CHCHD6: variants seen among roughly 807,000 people sequenced by gnomAD.
The protein encoded by CHCHD6 is coiled-coil-helix-coiled-coil-helix domain containing 6.
Under a neutral mutation model 32.3 loss-of-function variants are expected in CHCHD6, and 28 were observed. The observed-to-expected ratio is 0.87, with a 90% confidence interval of 0.64 to 1.19. The LOEUF (loss-of-function observed/expected upper bound fraction) is 1.19, where lower values mean the gene tolerates loss of function less well. Among genes scored for constraint, CHCHD6 ranks in the 50% most tolerant of loss-of-function variants. The pLI, the probability that CHCHD6 is intolerant of heterozygous loss-of-function variation, is 0.00. For synonymous variants in CHCHD6, 122 were observed against 117.5 expected (o/e 1.04, Z -0.25); for missense variants, 333 against 307.0 (o/e 1.08, Z -0.63).
intron 4 of CHCHD6, among the ~76,000 whole-genome samples, chr3:126,784,247 A>G (rs762767406): frequency 3.9e-5 from 6 of 152,130 alleles, no homozygotes; most frequent in African/African-American, 1.4e-4. Context: ...TTGAACAACA[A>G]AAGTTTTCTC....
chr3:126,855,194 C>G (rs907359473), intron 5 of CHCHD6, among the ~76,000 whole-genome samples: 12 of 152,156 alleles, frequency 7.9e-5, no homozygotes, highest in Non-Finnish European at 1.8e-4. Flanking sequence ...AGACAGGGGC[C>G]TTGTGAGGGT....
At chr3:126,952,800 C>T (rs1359287778) in intron 6 of CHCHD6, among the ~76,000 whole-genome samples, 1 of 152,138 alleles carries the variant, frequency 6.6e-6, no homozygotes, top group Non-Finnish European at 1.5e-5. Flanking sequence ...CCCGCTCAGG[C>T]ACAGGGGTTG....
At chr3:126,959,402 C>A (rs2078830012) in intron 7 of CHCHD6, among the ~76,000 whole-genome samples, 1 of 152,262 alleles carries the variant, frequency 6.6e-6, no homozygotes, top group Non-Finnish European at 1.5e-5. Context: ...AGCACCCAGG[C>A]ACTTGGGTGG....
chr3:126,730,225 C>G (rs1292901783), intron 2 of CHCHD6, among the ~76,000 whole-genome samples: 1 of 152,146 alleles, frequency 6.6e-6, no homozygotes, highest in East Asian at 1.9e-4. Flanking sequence ...CTTCCCGCAG[C>G]CACTCCTGGC....
chr3:126,952,981 G>A (rs1259283267), intron 6 of CHCHD6: 11 of 985,314 alleles, frequency 1.1e-5, no homozygotes, highest in Non-Finnish European at 1.3e-5. Context: ...CTGGATGTGG[G>A]GTCTTCTGTG....
chr3:126,786,500 AC>A (rs1938220412), intron 4 of CHCHD6, among the ~76,000 whole-genome samples: 1 of 152,074 alleles, frequency 6.6e-6, no homozygotes, highest in African/African-American at 2.4e-5. Flanking sequence ...TTGTTTCCTG[AC>A]TTTTTAATGA....
At chr3:126,817,823 C>CAGCCCTGAATGTCTTCT (rs560849223) in intron 4 of CHCHD6, among the ~76,000 whole-genome samples, 2,738 of 152,298 alleles carry the variant, frequency 0.018, 31 homozygotes, top group Middle Eastern at 0.051. Flanking sequence ...TCTTTGCTGT[C>CAGCCCTGAATGTCTTCT]AGCCCTGAAT....
intron 5 of CHCHD6, among the ~76,000 whole-genome samples, chr3:126,869,472 C>T (rs1217152912): frequency 1.3e-5 from 2 of 152,046 alleles, no homozygotes; most frequent in African/African-American, 4.8e-5. Flanking sequence ...TCTTGCCCCA[C>T]ATCTATACCA....
At chr3:126,868,157 C>A (rs1942351525) in intron 5 of CHCHD6, among the ~76,000 whole-genome samples, 1 of 152,236 alleles carries the variant, frequency 6.6e-6, no homozygotes, top group African/African-American at 2.4e-5. Context: ...GTGGCATAAC[C>A]TAACTCAGTT....
chr3:126,865,159 C>CCAT (rs1942242223), intron 5 of CHCHD6, among the ~76,000 whole-genome samples: 1 of 134,500 alleles, frequency 7.4e-6, no homozygotes, highest in Non-Finnish European at 1.6e-5. Flanking sequence ...TTTTCCACCA[C>CCAT]CTCCACTTCT....
At chr3:126,867,515 A>G (rs1390488452) in intron 5 of CHCHD6, among the ~76,000 whole-genome samples, 1 of 152,202 alleles carries the variant, frequency 6.6e-6, no homozygotes, top group African/African-American at 2.4e-5. Context: ...AGACTGTTAA[A>G]CAGATAATTT....
intron 4 of CHCHD6, among the ~76,000 whole-genome samples, chr3:126,813,654 T>C (rs770233122): frequency 1.6e-4 from 25 of 152,182 alleles, no homozygotes; most frequent in Non-Finnish European, 2.5e-4. Context: ...CCAGAACTTA[T>C]GGGGGACCCC....
chr3:126,956,475 T>C (rs2078784600), intron 6 of CHCHD6, among the ~76,000 whole-genome samples: 1 of 152,234 alleles, frequency 6.6e-6, no homozygotes, highest in African/African-American at 2.4e-5. Flanking sequence ...GTGAACAGCA[T>C]GATGAACGAT....
intron 6 of CHCHD6, among the ~76,000 whole-genome samples, chr3:126,934,080 T>G (rs2078443347): frequency 6.6e-6 from 1 of 152,216 alleles, no homozygotes. Context: ...TGGATTGAGC[T>G]CACAGAAGTC....
At chr3:126,773,029 T>A (rs1937571578) in intron 4 of CHCHD6, among the ~76,000 whole-genome samples, 2 of 152,180 alleles carry the variant, frequency 1.3e-5, no homozygotes, top group African/African-American at 2.4e-5. Context: ...TAGACTTTTT[T>A]TTTTTCTTAA....
At chr3:126,819,167 G>A (rs958765940) in intron 4 of CHCHD6, among the ~76,000 whole-genome samples, 5 of 152,260 alleles carry the variant, frequency 3.3e-5, no homozygotes, top group African/African-American at 1.2e-4. Context: ...TAAGCTCCTG[G>A]TTTCTGGCTT....
chr3:126,892,127 A>G (rs2077770323), intron 5 of CHCHD6, among the ~76,000 whole-genome samples: 1 of 151,956 alleles, frequency 6.6e-6, no homozygotes, highest in South Asian at 2.1e-4. Flanking sequence ...CACCGGGGGG[A>G]TCCTCTGTGC....
chr3:126,733,401 A>G (rs1380831077), intron 4 of CHCHD6, among the ~76,000 whole-genome samples, 179 bp downstream of exon 4: 1 of 152,204 alleles, frequency 6.6e-6, no homozygotes, highest in African/African-American at 2.4e-5. Flanking sequence ...GGGTTCTCCC[A>G]GCCCTGGCTC....
chr3:126,809,131 C>T (rs112653147), intron 4 of CHCHD6, among the ~76,000 whole-genome samples: 2 of 152,110 alleles, frequency 1.3e-5, no homozygotes, highest in Non-Finnish European at 2.9e-5. Context: ...GCCACCACGC[C>T]CAGCTAATTT....
Sources: gnomAD v4.1 joint callset for allele counts (sites outside exome capture counted in the v4.1 genomes callset) on GRCh38, gnomAD v4.1.1 for gene constraint, MANE v1.5 for transcripts, NCBI Gene and HGNC (gene_info 2026-07-23, HGNC 2026-07-21) for gene names.